The following HSD17B2 variants were observed in gnomAD, a reference collection of about 807,000 sequenced individuals.
HSD17B2 encodes the protein hydroxysteroid 17-beta dehydrogenase 2.
HSD17B2 carries 32 observed loss-of-function variants against 26.9 expected under a neutral mutation model. The observed-to-expected ratio is 1.19, with a 90% CI of 0.90 to 1.60. The LOEUF (loss-of-function observed/expected upper bound fraction) is 1.60. HSD17B2 is among the 40% of genes most tolerant of loss of function. HSD17B2 has a pLI of 0.00. For synonymous variants in HSD17B2, 246 were observed against 186.7 expected (o/e 1.32, Z -2.59); for missense variants, 613 against 468.6 (o/e 1.31, Z -2.85).
chr16:82,043,113 A>T (rs1360303208), intron 1 of HSD17B2, among the ~76,000 whole-genome samples: 1 of 152,146 alleles, frequency 6.6e-6, no homozygotes, highest in African/African-American at 2.4e-5. Context: ...CTGTCTTCTT[A>T]TTCAGGCTAT....
intron 3 of HSD17B2, among the ~76,000 whole-genome samples, chr16:82,073,640 A>G (rs1914748465): frequency 6.6e-6 from 1 of 152,166 alleles, no homozygotes; most frequent in Admixed American, 6.5e-5. Flanking sequence ...GAATACAGCT[A>G]ACTAGGGAGG....
chr16:82,079,319 A>G (rs1904325216), intron 3 of HSD17B2, among the ~76,000 whole-genome samples: 2 of 152,202 alleles, frequency 1.3e-5, no homozygotes, highest in Non-Finnish European at 2.9e-5. Context: ...GGAGGCTGGA[A>G]GTCGAAGACC....
intron 1 of HSD17B2, among the ~76,000 whole-genome samples, chr16:82,039,675 G>A (rs1913717516): frequency 6.6e-6 from 1 of 152,152 alleles, no homozygotes; most frequent in Admixed American, 6.5e-5. Context: ...GTCCTTCTCA[G>A]CCTACCCTCT....
At chr16:82,038,073 C>G (rs1453741993) in intron 1 of HSD17B2, among the ~76,000 whole-genome samples, 1 of 152,210 alleles carries the variant, frequency 6.6e-6, no homozygotes, top group Non-Finnish European at 1.5e-5. Context: ...GAACACAAAA[C>G]AGCTAAAGCT....
intron 4 of HSD17B2, chr16:82,092,330 C>G (rs888815579): frequency 6.6e-6 from 1 of 152,138 alleles, no homozygotes. Context: ...TATCTGAACT[C>G]TGGGAAGAGG....
chr16:82,041,437 C>T (rs1913763104), intron 1 of HSD17B2, among the ~76,000 whole-genome samples: 1 of 152,204 alleles, frequency 6.6e-6, no homozygotes. Flanking sequence ...TTGGAAGCTC[C>T]ATTGTTCTGT....
intron 1 of HSD17B2, among the ~76,000 whole-genome samples, chr16:82,044,875 T>C (rs1164243289): frequency 6.6e-6 from 1 of 151,968 alleles, no homozygotes; most frequent in African/African-American, 2.4e-5. Context: ...CTCAGCACTT[T>C]GGGAGGCCAG....
intron 4 of HSD17B2, chr16:82,092,854 T>C (rs1391603311): frequency 1.3e-5 from 2 of 151,998 alleles, no homozygotes; most frequent in Admixed American, 6.5e-5. Flanking sequence ...AAGAGGGAAA[T>C]GGTGAATTTG....
At chr16:82,043,263 G>A (rs1278002244) in intron 1 of HSD17B2, among the ~76,000 whole-genome samples, 2 of 152,180 alleles carry the variant, frequency 1.3e-5, no homozygotes, top group African/African-American at 4.8e-5. Flanking sequence ...GGGCTCCCCA[G>A]GCAGGATCTG....
intron 3 of HSD17B2, among the ~76,000 whole-genome samples, chr16:82,081,049 CT>C (rs1474913965): frequency 1.3e-5 from 2 of 152,030 alleles, no homozygotes; most frequent in Non-Finnish European, 2.9e-5. Flanking sequence ...TCCCTGGTTT[CT>C]TTCCTCATCT....
chr16:82,047,687 G>C (rs111392607), intron 1 of HSD17B2, among the ~76,000 whole-genome samples: 2 of 152,330 alleles, frequency 1.3e-5, no homozygotes, highest in African/African-American at 4.8e-5. Context: ...AGGACTTGCT[G>C]TCTTATTGGA....
chr16:82,035,587 T>A lies in HSD17B2; in HGVS notation c.163T>A (p.Phe55Ile). 2.5e-6 allele frequency: 4 copies of A among 1,614,042 alleles called. No individual in the cohort carries two copies. The highest frequency in any genetic ancestry group is 3.4e-6 in the Non-Finnish European group (4 of 1,180,024). ...CAVCLLILSP[F>I]WGLILFSVSC... ...AGTCTGCCTGCTCATCCTGTCCCCT[T>A]TTTGGGGCTTGATCCTCTTCTCGGT... Residue 55 changes from phenylalanine (F) to isoleucine (I), a missense_variant, in exon 1 of 5, where the codon TTT becomes ATT. Transcript: ENST00000199936.
chr16:82,070,876 G>T (rs1914681186), intron 2 of HSD17B2, 66 bp from the exon 3 acceptor site: 3 of 1,437,802 alleles, frequency 2.1e-6, no homozygotes, highest in Non-Finnish European at 2.9e-6. Context: ...GGTCTTCCAG[G>T]TATTGCAGGT....
At chr16:82,076,522 A>T (rs1218035429) in intron 3 of HSD17B2, among the ~76,000 whole-genome samples, 1 of 152,246 alleles carries the variant, frequency 6.6e-6, no homozygotes, top group Non-Finnish European at 1.5e-5. Flanking sequence ...TAAAACTGAT[A>T]AACAAATTCA....
intron 1 of HSD17B2, among the ~76,000 whole-genome samples, chr16:82,057,827 T>C (rs1914318836): frequency 6.6e-6 from 1 of 152,144 alleles, no homozygotes; most frequent in Non-Finnish European, 1.5e-5. Flanking sequence ...CGTCAAACTA[T>C]CAATTATGTC....
chr16:82,070,914 C>T (rs1914681960), intron 2 of HSD17B2, 28 bp from the exon 3 acceptor site: 3 of 1,596,976 alleles, frequency 1.9e-6, no homozygotes, highest in Middle Eastern at 1.7e-4. Flanking sequence ...CTTCCAGACA[C>T]TCACTCATTA....
At chr16:82,046,426 T>A (rs889482286) in intron 1 of HSD17B2, among the ~76,000 whole-genome samples, 2 of 151,990 alleles carry the variant, frequency 1.3e-5, no homozygotes, top group Admixed American at 6.6e-5. Flanking sequence ...TAAGATAATT[T>A]AAAAAAATAT....
At chr16:82,063,565 T>C (rs1914501630) in intron 1 of HSD17B2, among the ~76,000 whole-genome samples, 1 of 152,104 alleles carries the variant, frequency 6.6e-6, no homozygotes, top group Non-Finnish European at 1.5e-5. Context: ...AAACCTCAGA[T>C]TTAGTTAGGA....
intron 2 of HSD17B2, among the ~76,000 whole-genome samples, chr16:82,069,659 C>A (rs926908376): frequency 2.6e-5 from 4 of 152,214 alleles, no homozygotes; most frequent in African/African-American, 9.7e-5. Flanking sequence ...CTGGGCCATG[C>A]AGTTTTCTCC....
Sources: gnomAD v4.1 joint callset for allele counts (sites outside exome capture counted in the v4.1 genomes callset) on GRCh38, gnomAD v4.1.1 for gene constraint, MANE v1.5 for transcripts, NCBI Gene and HGNC (gene_info 2026-07-23, HGNC 2026-07-21) for gene names.